Variants in ABCA12 observed in about 807,000 individuals in gnomAD.
ABCA12 encodes glucosylceramide transporter ABCA12.
A neutral mutation model predicts 293.5 loss-of-function variants in ABCA12; 156 were observed. The ratio of observed to expected loss-of-function variants is 0.53; its 90% confidence interval spans 0.47 to 0.61. The LOEUF is 0.61. ABCA12 is among the 20% of genes least tolerant of loss of function. The pLI, the probability that ABCA12 is intolerant of heterozygous loss-of-function variation, is 0.00. For missense variants in ABCA12, 2,797 were observed against 3,090.2 expected (o/e 0.91, Z 2.25); for synonymous variants, 1,063 against 1,108.0 (o/e 0.96, Z 0.81).
intron 8 of ABCA12, among the ~76,000 whole-genome samples, chr2:215,033,042 C>T (rs1700913115): frequency 6.6e-6 from 1 of 152,190 alleles, no homozygotes; most frequent in Non-Finnish European, 1.5e-5. Context: ...AACGTTTGTA[C>T]AGCCCCTGCT....
intron 2 of ABCA12, among the ~76,000 whole-genome samples, chr2:215,088,142 A>G (rs1702076845): frequency 6.6e-6 from 1 of 152,232 alleles, no homozygotes; most frequent in Non-Finnish European, 1.5e-5. Flanking sequence ...GAGTTAGAAG[A>G]ATATTAAGCA....
At chr2:215,136,594 A>G (rs1703233356) in intron 1 of ABCA12, among the ~76,000 whole-genome samples, 1 of 152,144 alleles carries the variant, frequency 6.6e-6, no homozygotes, top group Non-Finnish European at 1.5e-5. Context: ...AATTTTTATC[A>G]CTTACAAACT....
intron 48 of ABCA12, among the ~76,000 whole-genome samples, chr2:214,946,737 T>C (rs1156953961): frequency 1.3e-5 from 2 of 152,268 alleles, no homozygotes; most frequent in Non-Finnish European, 2.9e-5. Context: ...CAAGTATATT[T>C]TTCTGAAATA....
intron 8 of ABCA12, among the ~76,000 whole-genome samples, chr2:215,033,747 CT>C (rs1476193534): frequency 6.6e-6 from 1 of 152,000 alleles, no homozygotes; most frequent in Non-Finnish European, 1.5e-5. Context: ...CGAGATCATC[CT>C]GGCTAACACG....
chr2:215,001,936 G>C (rs1011735658), intron 20 of ABCA12, among the ~76,000 whole-genome samples, 199 bp from the exon 21 acceptor site: 5 of 152,146 alleles, frequency 3.3e-5, no homozygotes, highest in Non-Finnish European at 7.4e-5. Context: ...AGCCAAGCTA[G>C]TTACAAATAC....
chr2:214,990,639 A>G (rs1407232703), intron 24 of ABCA12, 63 bp downstream of exon 24: 1 of 1,520,458 alleles, frequency 6.6e-7, no homozygotes, highest in African/African-American at 1.4e-5. Flanking sequence ...GAATCCAAAA[A>G]CAAACAAACA....
chr2:215,003,629 A>G (rs901059274), intron 20 of ABCA12, among the ~76,000 whole-genome samples: 31 of 151,634 alleles, frequency 2.0e-4, no homozygotes, highest in African/African-American at 7.5e-4. Context: ...CTATGATTGA[A>G]GAAAAAAACT....
chr2:215,075,482 C>G (rs1427569612), intron 2 of ABCA12: 2 of 671,982 alleles, frequency 3.0e-6, no homozygotes, highest in African/African-American at 3.6e-5. Flanking sequence ...AAAAAGCATC[C>G]TCTTAATCCT....
At position 214,946,872 on chromosome 2, in the gene ABCA12, T is replaced by A. The variant is rs540826838; in HGVS notation, c.7239+550A>T. On this transcript the variant is annotated intron_variant, in intron 48 of 52. Coordinates refer to ENST00000272895, the MANE Select transcript of ABCA12 (RefSeq NM_173076.3). ...AAGAAAAATGTAAATGTGGAATGCA[T>A]TTCTTCCCCACCCTATACCCCCCAC... 2.0e-5 allele frequency among the ~76,000 whole-genome samples: 3 copies of A among 152,180 alleles called. No homozygotes were observed. In the South Asian group the frequency reaches 6.2e-4, roughly 32 times the overall value.
intron 49 of ABCA12, among the ~76,000 whole-genome samples, chr2:214,944,695 T>C (rs1370987920): frequency 6.6e-6 from 1 of 151,904 alleles, no homozygotes; most frequent in Non-Finnish European, 1.5e-5. Flanking sequence ...CATGAGAAAT[T>C]CGATGTTAAA....
chr2:215,102,548 G>A (rs889786759), intron 2 of ABCA12, among the ~76,000 whole-genome samples: 3 of 152,160 alleles, frequency 2.0e-5, no homozygotes, highest in African/African-American at 7.2e-5. Context: ...GTGGTGAGCT[G>A]AGATTGCACC....
intron 50 of ABCA12, among the ~76,000 whole-genome samples, chr2:214,938,242 G>T (rs1347605350): frequency 6.6e-6 from 1 of 152,104 alleles, no homozygotes; most frequent in Admixed American, 6.5e-5. Context: ...TGCTGAGAAT[G>T]ATGGTTTCCA....
chr2:214,990,805 A>G lies in ABCA12; in HGVS notation c.3521T>C (p.Ile1174Thr), dbSNP rs144164334. ...LISVFFNNTN[I>T]AALIGSLIYI... ...GATGAGGCTTCCGATCAGAGCTGCA[A>G]TGTTGGTGTTGTTGAAGAAGACACT... The change falls in exon 24 of 53, where the codon ATT (isoleucine) becomes ACT (threonine). Residue 1174 changes from isoleucine (I) to threonine (T), a missense_variant. By Grantham distance (89) the Ile-to-Thr change is moderately conservative (BLOSUM62 -1). Around this residue, in one of 3 missense-constraint regions of ABCA12, gnomAD observed 2,130 missense variants for 2,427.0 expected, o/e 0.88. Coordinates refer to ENST00000272895, the MANE Select transcript of ABCA12 (RefSeq NM_173076.3). The G allele has an allele frequency of 6.2e-6, 10 of 1,614,026 alleles. No homozygotes were observed. The East Asian group carries it at 1.1e-4, about 18-fold the overall frequency.
At position 215,037,021 on chromosome 2, in the gene ABCA12, T is replaced by C; in HGVS notation, c.917A>G (p.Asn306Ser). ...VQKVYPRFAT[N>S]EGFRTLQKSV... Reference sequence around the variant, plus strand: ...CTTCTGGAGGGTTCTGAAACCTTCGTTAGTTGCAAAACGTGGATAAACCTT... The same window carrying C: ...CTTCTGGAGGGTTCTGAAACCTTCGCTAGTTGCAAAACGTGGATAAACCTT... The change falls in exon 8 of 53, where the codon AAC becomes AGC. Residue 306 changes from asparagine (N) to serine (S), a missense_variant. Asn to Ser is a conservative substitution (Grantham distance 46). Transcript: ENST00000272895. 1 of 1,613,944 alleles carries C rather than the reference T, an allele frequency of 6.2e-7. No individual in the cohort carries two copies. Among genetic ancestry groups the C allele is most frequent in the Non-Finnish European group, 8.5e-7 (1 of 1,179,876 alleles).
chr2:214,998,561 G>T (rs1700081296), intron 22 of ABCA12, among the ~76,000 whole-genome samples: 1 of 152,188 alleles, frequency 6.6e-6, no homozygotes, highest in South Asian at 2.1e-4. Context: ...TTGATGATGT[G>T]CTCAACTAGA....
chr2:214,968,619 C>T (rs1392917938), intron 38 of ABCA12, 101 bp downstream of exon 38: 16 of 1,140,450 alleles, frequency 1.4e-5, no homozygotes, highest in Admixed American at 1.7e-5. Flanking sequence ...AATGCCAAAT[C>T]GATTGTACCC....
In ABCA12 at chr2:214,978,964, G is replaced by A; in HGVS notation, c.4817C>T (p.Ala1606Val). 6.2e-7 allele frequency: 1 copy of A among 1,614,084 alleles called. No homozygotes were observed. Among genetic ancestry groups the A allele is most frequent in the Non-Finnish European group, 8.5e-7 (1 of 1,179,990 alleles). Residue 1606 changes from alanine to valine, a missense_variant, in exon 32 of 53, where the codon GCC (alanine) becomes GTC (valine). Transcript: ENST00000272895. ...TCCCCCAATATCCTCCTTGAGGTAGGCTTCGGGGAGATGTGATTGGATCAT... is the reference window on the plus strand; with the variant it reads ...TCCCCCAATATCCTCCTTGAGGTAGACTTCGGGGAGATGTGATTGGATCAT... Reference protein sequence around the residue: ...TAMIQSHLPEAYLKEDIGGEL... With the variant: ...TAMIQSHLPEVYLKEDIGGEL...
At chr2:215,075,565 A>G in intron 2 of ABCA12, 1 of 700,414 alleles carries the variant, frequency 1.4e-6, no homozygotes, top group Non-Finnish European at 2.6e-6. Flanking sequence ...TGCAGGAAAA[A>G]AAAAAAATCT....
intron 40 of ABCA12, 24 bp downstream of exon 40, chr2:214,959,000 G>C: frequency 6.2e-7 from 1 of 1,609,602 alleles, no homozygotes; most frequent in Non-Finnish European, 8.5e-7. Flanking sequence ...GGAGAAAGTA[G>C]TCATGCTAGA....
Sources: gnomAD v4.1 joint callset for allele counts (sites outside exome capture counted in the v4.1 genomes callset) on GRCh38, gnomAD v4.1.1 for gene constraint, gnomAD v4.1.1 regional missense constraint, MANE v1.5 for transcripts, NCBI Gene and HGNC (gene_info 2026-07-23, HGNC 2026-07-21) for gene names.